KCNJ3: variants seen among roughly 807,000 people sequenced by gnomAD.
KCNJ3 encodes the protein G protein-activated inward rectifier potassium channel 1.
A neutral mutation model predicts 39.2 loss-of-function variants in KCNJ3; 4 were observed. That is an observed-to-expected ratio of 0.10 (90% CI 0.05 to 0.23). KCNJ3 has a LOEUF of 0.23. Among genes scored for constraint, KCNJ3 ranks in the 10% least tolerant of loss-of-function variants. KCNJ3 has a pLI of 1.00. For missense variants in KCNJ3, 276 were observed against 634.9 expected (o/e 0.43, Z 6.08); for synonymous variants, 230 against 237.4 (o/e 0.97, Z 0.29).
At chr2:154,804,441 C>G (rs1447578982) in intron 2 of KCNJ3, among the ~76,000 whole-genome samples, 1 of 152,058 alleles carries the variant, frequency 6.6e-6, no homozygotes, top group African/African-American at 2.4e-5. Context: ...CCAGCATTTG[C>G]AAAATTTCTT....
intron 2 of KCNJ3, among the ~76,000 whole-genome samples, chr2:154,835,224 C>T (rs1004732907): frequency 2.6e-5 from 4 of 151,714 alleles, no homozygotes; most frequent in Non-Finnish European, 4.4e-5. Flanking sequence ...AGGATTTAAT[C>T]ATTACAGTTT....
intron 2 of KCNJ3, among the ~76,000 whole-genome samples, chr2:154,850,008 C>CTTTGTTTTTTTTT (rs1687729446): frequency 2.0e-5 from 1 of 48,838 alleles, no homozygotes; most frequent in Non-Finnish European, 3.6e-5. Context: ...CAGAATAAAT[C>CTTTGTTTTTTTTT]TTTTTTTTTT....
At chr2:154,853,046 A>G (rs533008104) in intron 2 of KCNJ3, among the ~76,000 whole-genome samples, 1 of 152,166 alleles carries the variant, frequency 6.6e-6, no homozygotes, top group East Asian at 1.9e-4. Context: ...GTGCTCAAGA[A>G]AGGTCAAGAG....
chr2:154,777,598 G>C (rs1385366499), intron 2 of KCNJ3, among the ~76,000 whole-genome samples: 1 of 152,078 alleles, frequency 6.6e-6, no homozygotes, highest in Non-Finnish European at 1.5e-5. Context: ...TATTGGAAGT[G>C]GTATTATTAT....
intron 2 of KCNJ3, among the ~76,000 whole-genome samples, chr2:154,724,125 G>A (rs1048660290): frequency 6.6e-6 from 1 of 152,098 alleles, no homozygotes; most frequent in Non-Finnish European, 1.5e-5. Context: ...CTTGATATAT[G>A]TTAAATTAGA....
rs1687814213 is a variant in KCNJ3 at position 154,855,056 on chromosome 2, T to C, written c.1249T>C (p.Leu417=). 2 of 1,614,046 alleles carry C rather than the reference T, an allele frequency of 1.2e-6. No individual in the cohort carries two copies. The highest frequency in any genetic ancestry group is 1.7e-6 in the Non-Finnish European group (2 of 1,179,956). Residue 417 remains leucine, a synonymous_variant, in exon 3 of 3, where the codon TTG becomes CTG. Transcript: ENST00000295101. Reference sequence around the variant, plus strand: ...AAGAGAAGACTTTCCCAAAAAACTCTTGAGGATGAGTTCTACAACTTCAGA... The same window carrying C: ...AAGAGAAGACTTTCCCAAAAAACTCCTGAGGATGAGTTCTACAACTTCAGA... ...TGREDFPKKL[L]RMSSTTSEKA... is the part of the protein sequence containing the mutation.
At chr2:154,851,079 C>T (rs1410236315) in intron 2 of KCNJ3, among the ~76,000 whole-genome samples, 2 of 151,654 alleles carry the variant, frequency 1.3e-5, no homozygotes, top group Non-Finnish European at 2.9e-5. Context: ...CCCATCTCTA[C>T]AAAAAATTGA....
At chr2:154,821,734 T>G (rs1227436691) in intron 2 of KCNJ3, among the ~76,000 whole-genome samples, 1 of 140,064 alleles carries the variant, frequency 7.1e-6, no homozygotes, top group African/African-American at 2.6e-5. Flanking sequence ...TTTGCCTCCC[T>G]CGTTCAAGCA....
intron 2 of KCNJ3, among the ~76,000 whole-genome samples, chr2:154,785,841 A>C (rs1056698907): frequency 2.6e-5 from 4 of 152,194 alleles, no homozygotes; most frequent in African/African-American, 9.7e-5. Flanking sequence ...TAATGGCCTC[A>C]TTTAAACTTA....
chr2:154,835,368 A>G (rs1687438746), intron 2 of KCNJ3, among the ~76,000 whole-genome samples: 1 of 151,180 alleles, frequency 6.6e-6, no homozygotes, highest in African/African-American at 2.4e-5. Flanking sequence ...TCAAAAAGTA[A>G]TATATTTAAG....
intron 2 of KCNJ3, among the ~76,000 whole-genome samples, chr2:154,816,906 C>T (rs1574472955): frequency 6.6e-6 from 1 of 152,128 alleles, no homozygotes; most frequent in African/African-American, 2.4e-5. Flanking sequence ...TTGGCCTTTA[C>T]ATTAATCATG....
At chr2:154,759,259 T>C (rs1304556661) in intron 2 of KCNJ3, among the ~76,000 whole-genome samples, 1 of 152,172 alleles carries the variant, frequency 6.6e-6, no homozygotes, top group Non-Finnish European at 1.5e-5. Context: ...GTGTGTGTAG[T>C]TGAACTAATA....
At chr2:154,804,549 A>G (rs1030085353) in intron 2 of KCNJ3, among the ~76,000 whole-genome samples, 17 of 152,142 alleles carry the variant, frequency 1.1e-4, no homozygotes, top group Admixed American at 9.2e-4. Context: ...CTGTATTCCT[A>G]TTGAATTTTC....
chr2:154,822,154 A>G lies in KCNJ3; in HGVS notation c.920-32573A>G, dbSNP rs531543343. On this transcript the variant is annotated intron_variant, in intron 2 of 2. Transcript: ENST00000295101. Reference sequence around the variant, plus strand: ...AGAGTAACATTTTTCTGACTTCAGTAAATAGTTTTGTAATATATTTTCAGA... The same window carrying G: ...AGAGTAACATTTTTCTGACTTCAGTGAATAGTTTTGTAATATATTTTCAGA... Among the ~76,000 whole-genome samples the G allele has an allele frequency of 1.1e-3, 165 of 152,256 alleles. 7 individuals are homozygous for G. The South Asian group carries it at 0.033, about 30-fold the overall frequency.
At chr2:154,714,150 C>T (rs1439683442) in intron 2 of KCNJ3, among the ~76,000 whole-genome samples, 7 of 152,104 alleles carry the variant, frequency 4.6e-5, no homozygotes, top group African/African-American at 1.7e-4. Context: ...CATTGCTTTC[C>T]ACCACCTATG....
intron 2 of KCNJ3, among the ~76,000 whole-genome samples, chr2:154,812,275 T>A (rs919147085): frequency 4.0e-4 from 61 of 152,246 alleles, no homozygotes; most frequent in African/African-American, 1.4e-3. Context: ...ATTAATATAA[T>A]TTTAATCCAA....
At chr2:154,744,428 T>TAA (rs1427544574) in intron 2 of KCNJ3, among the ~76,000 whole-genome samples, 2 of 151,842 alleles carry the variant, frequency 1.3e-5, no homozygotes, top group Non-Finnish European at 3.0e-5. Context: ...AAATGTTTTA[T>TAA]AAAACATTTC....
intron 2 of KCNJ3, among the ~76,000 whole-genome samples, chr2:154,846,784 TTTC>T (rs1447563514): frequency 6.7e-6 from 1 of 149,942 alleles, no homozygotes; most frequent in Non-Finnish European, 1.5e-5. Flanking sequence ...AAATCTATTA[TTTC>T]TTCTTTTGTT....
At chr2:154,731,482 T>A (rs1558858811) in intron 2 of KCNJ3, among the ~76,000 whole-genome samples, 1 of 150,070 alleles carries the variant, frequency 6.7e-6, no homozygotes, top group Admixed American at 6.6e-5. Context: ...TCAAGGAAAA[T>A]TTTTTTTTCT....
Sources: gnomAD v4.1 joint callset for allele counts (sites outside exome capture counted in the v4.1 genomes callset) on GRCh38, gnomAD v4.1.1 for gene constraint, MANE v1.5 for transcripts, NCBI Gene and HGNC (gene_info 2026-07-23, HGNC 2026-07-21) for gene names.